HPSE2: variants seen among roughly 807,000 people sequenced by gnomAD.
The protein encoded by HPSE2 is inactive heparanase-2.
Under a neutral mutation model 60.5 loss-of-function variants are expected in HPSE2, and 38 were observed. That is an observed-to-expected ratio of 0.63 (90% confidence interval 0.48 to 0.82). The LOEUF is 0.82. Ranked by LOEUF, HPSE2 falls within the 40% of genes least tolerant of loss-of-function variation. The pLI is 0.00. For missense variants in HPSE2, 713 were observed against 740.4 expected, an observed-to-expected ratio of 0.96 and a Z score of 0.43; for synonymous variants, 295 against 293.2, an observed-to-expected ratio of 1.01 and a Z score of -0.06.
At chr10:99,236,609 A>G (rs1043544243), upstream of HPSE2, among the ~76,000 whole-genome samples, 4 of 152,168 alleles carry the variant, frequency 2.6e-5, no homozygotes, top group Non-Finnish European at 4.4e-5. Context: ...GCCACACCGA[A>G]GCATCCTCTG....
At chr10:98,752,373 A>G (rs1949778055) in intron 3 of HPSE2, among the ~76,000 whole-genome samples, 1 of 152,210 alleles carries the variant, frequency 6.6e-6, no homozygotes, top group Non-Finnish European at 1.5e-5. Context: ...CCTTGAGGAT[A>G]GGAAGATTCT....
intron 7 of HPSE2, among the ~76,000 whole-genome samples, chr10:98,638,530 T>G (rs932788331): frequency 1.3e-5 from 2 of 152,330 alleles, no homozygotes; most frequent in African/African-American, 4.8e-5. Context: ...GCCATTTGGC[T>G]AGTGGGCCCT....
chr10:98,739,080 C>T (rs146302988), intron 4 of HPSE2, among the ~76,000 whole-genome samples: 1,833 of 152,152 alleles, frequency 0.012, 27 homozygotes, highest in African/African-American at 0.041. Context: ...CCCAAATGCC[C>T]GTCAGTGATA....
At chr10:99,129,655 T>G (rs527629407) in intron 3 of HPSE2, among the ~76,000 whole-genome samples, 1 of 152,012 alleles carries the variant, frequency 6.6e-6, no homozygotes, top group South Asian at 2.1e-4. Flanking sequence ...GGAAAGTTCA[T>G]AGCATCAAAT....
chr10:99,305,969 G>GCACACA, the HPSE2 span, among the ~76,000 whole-genome samples: 83 of 50,908 alleles, frequency 1.6e-3, no homozygotes, highest in African/African-American at 4.3e-3. Context: ...ACACGCGCGC[G>GCACACA]CGCGCGCGCG....
At chr10:98,794,150 C>G (rs1950719166) in intron 3 of HPSE2, among the ~76,000 whole-genome samples, 1 of 152,036 alleles carries the variant, frequency 6.6e-6, no homozygotes, top group South Asian at 2.1e-4. Context: ...TATATTTTAT[C>G]TAATTTATAA....
chr10:99,013,343 CCTCT>C (rs1259990579), intron 3 of HPSE2: 13 of 612,448 alleles, frequency 2.1e-5, no homozygotes, highest in Non-Finnish European at 3.1e-5. Flanking sequence ...TTACAGAAAT[CCTCT>C]CTCTGTCTGT....
At chr10:98,590,843 T>A (rs1357730104) in intron 9 of HPSE2, among the ~76,000 whole-genome samples, 1 of 152,196 alleles carries the variant, frequency 6.6e-6, no homozygotes, top group African/African-American at 2.4e-5. Context: ...GAGAGTCACT[T>A]AATTCCTTTG....
Position 99,002,668 on chromosome 10 carries a change from C to G in HPSE2, c.610+141570G>C, listed in dbSNP as rs1281367991. On this transcript the variant is annotated intron_variant, in intron 3 of 11. Transcript: ENST00000370552. ...CATGATGACTAAATCTGGATGAGAT[C>G]CTGAACAGAAAATGAACACATGTAA... Among the ~76,000 whole-genome samples the G allele has an allele frequency of 2.0e-5, 3 of 151,892 alleles. No individual in the cohort carries two copies. In the East Asian group the frequency reaches 5.8e-4, roughly 29 times the overall value.
chr10:99,102,087 C>A (rs1460242282), intron 3 of HPSE2, among the ~76,000 whole-genome samples: 1 of 152,068 alleles, frequency 6.6e-6, no homozygotes, highest in African/African-American at 2.4e-5. Flanking sequence ...GAAGCAAGAG[C>A]AAACACATTC....
At chr10:99,162,949 C>T (rs1354128455) in intron 2 of HPSE2, among the ~76,000 whole-genome samples, 2 of 152,132 alleles carry the variant, frequency 1.3e-5, no homozygotes, top group Non-Finnish European at 2.9e-5. Flanking sequence ...GTGGCTCACA[C>T]CTATAATCCC....
intron 3 of HPSE2, among the ~76,000 whole-genome samples, chr10:98,861,133 T>TTATTTGC (rs1404015233): frequency 6.6e-6 from 1 of 152,226 alleles, no homozygotes; most frequent in Non-Finnish European, 1.5e-5. Flanking sequence ...GAGCTTGGTT[T>TTATTTGC]TATTTGCTAT....
At chr10:99,103,532 C>A (rs557689598) in intron 3 of HPSE2, among the ~76,000 whole-genome samples, 4 of 152,178 alleles carry the variant, frequency 2.6e-5, no homozygotes, top group South Asian at 4.2e-4. Flanking sequence ...TAGGAAGAAT[C>A]GATATCGTGA....
At chr10:98,489,133 C>G (rs1288097701) in intron 10 of HPSE2, among the ~76,000 whole-genome samples, 2 of 152,102 alleles carry the variant, frequency 1.3e-5, no homozygotes, top group Non-Finnish European at 2.9e-5. Flanking sequence ...CCCGTATCCC[C>G]CCACCAGGTT....
At chr10:98,639,824 C>T (rs1473021701) in intron 7 of HPSE2, among the ~76,000 whole-genome samples, 1 of 152,220 alleles carries the variant, frequency 6.6e-6, no homozygotes, top group Non-Finnish European at 1.5e-5. Context: ...AGAACCTTCA[C>T]TCTCAGTGCC....
At chr10:98,812,960 G>T (rs530869011) in intron 3 of HPSE2, among the ~76,000 whole-genome samples, 86 of 152,270 alleles carry the variant, frequency 5.6e-4, no homozygotes, top group African/African-American at 1.9e-3. Flanking sequence ...AATCACAGCA[G>T]CAGGGCATGA....
chr10:98,531,640 A>T (rs1943135001), intron 9 of HPSE2, among the ~76,000 whole-genome samples: 1 of 152,234 alleles, frequency 6.6e-6, no homozygotes. Context: ...AACAAGCTCA[A>T]TCTTACATTT....
intron 2 of HPSE2, among the ~76,000 whole-genome samples, chr10:99,182,028 A>G (rs1032755715): frequency 1.3e-5 from 2 of 152,146 alleles, no homozygotes; most frequent in African/African-American, 4.8e-5. Flanking sequence ...AAACCTCCTG[A>G]CACCTTAATC....
At chr10:98,727,852 T>G (rs1949129005) in intron 4 of HPSE2, among the ~76,000 whole-genome samples, 1 of 152,240 alleles carries the variant, frequency 6.6e-6, no homozygotes, top group South Asian at 2.1e-4. Context: ...ACAGCTCAGT[T>G]TTTATCAGAA....
Sources: gnomAD v4.1 joint callset for allele counts (sites outside exome capture counted in the v4.1 genomes callset) on GRCh38, gnomAD v4.1.1 for gene constraint, MANE v1.5 for transcripts, NCBI Gene and HGNC (gene_info 2026-07-23, HGNC 2026-07-21) for gene names.